The following ZMYND8 variants were observed in gnomAD, a reference collection of about 807,000 sequenced individuals.
ZMYND8 encodes the protein MYND-type zinc finger-containing chromatin reader ZMYND8.
A neutral mutation model predicts 140.8 loss-of-function variants in ZMYND8; 37 were observed. The observed-to-expected ratio is 0.26, with a 90% CI of 0.20 to 0.35. ZMYND8 has a LOEUF of 0.35. Among genes scored for constraint, ZMYND8 ranks in the 10% least tolerant of loss-of-function variants. The probability of loss-of-function intolerance (pLI) is 1.00; values close to 1 mark genes in which losing one functional copy is unlikely to be tolerated. For missense variants in ZMYND8, 1,068 were observed against 1,570.0 expected, an observed-to-expected ratio of 0.68 and a Z score of 5.40; for synonymous variants, 592 against 597.1, an observed-to-expected ratio of 0.99 and a Z score of 0.12.
chr20:47,225,262 G>A (rs1332845065), intron 18 of ZMYND8, among the ~76,000 whole-genome samples: 1 of 152,042 alleles, frequency 6.6e-6, no homozygotes, highest in Non-Finnish European at 1.5e-5. Flanking sequence ...CCTGCTGGCT[G>A]TAATAAAAGA....
intron 2 of ZMYND8, among the ~76,000 whole-genome samples, chr20:47,329,338 T>C (rs2080740161): frequency 6.6e-6 from 1 of 152,190 alleles, no homozygotes; most frequent in Non-Finnish European, 1.5e-5. Context: ...CAGCCTCTAA[T>C]CACCTGTGGC....
chr20:47,224,475 A>C lies in ZMYND8; in HGVS notation c.3098T>G (p.Leu1033Trp). The C allele has an allele frequency of 1.9e-6, 3 of 1,614,138 alleles. No individual in the cohort carries two copies. Among genetic ancestry groups the C allele is most frequent in the Non-Finnish European group, 2.5e-6 (3 of 1,180,022 alleles). Residue 1033 changes from leucine to tryptophan, a missense_variant, in exon 19 of 23, where the codon TTG becomes TGG. By Grantham distance (61) the Leu-to-Trp change is moderately conservative. Coordinates refer to ENST00000471951, the MANE Select transcript of ZMYND8 (RefSeq NM_001281775.3). ...LIAEVKKQLE[L>W]EKQQAVDETK... is the part of the protein sequence containing the mutation. ...CTCATCCACCGCCTGCTGCTTCTCC[A>C]ACTCCAGCTGCTTCTTCACCTCGGC... is the stretch of plus-strand genomic sequence containing the variant.
chr20:47,309,020 C>G (rs867150306), intron 3 of ZMYND8, among the ~76,000 whole-genome samples: 40 of 152,154 alleles, frequency 2.6e-4, no homozygotes, highest in African/African-American at 9.2e-4. Context: ...GAGATCCGAC[C>G]TCATAGTCCA....
intron 12 of ZMYND8, among the ~76,000 whole-genome samples, chr20:47,249,860 T>G (rs2074026922): frequency 6.6e-6 from 1 of 152,124 alleles, no homozygotes; most frequent in Non-Finnish European, 1.5e-5. Flanking sequence ...GAAGAGGACT[T>G]GTATCCAAGA....
intron 1 of ZMYND8, among the ~76,000 whole-genome samples, chr20:47,355,968 G>A (rs1569272317): frequency 2.0e-5 from 3 of 151,988 alleles, no homozygotes; most frequent in Non-Finnish European, 2.9e-5. Flanking sequence ...AAAACAGGCT[G>A]AACAATGTAG....
chr20:47,255,803 C>CGT (rs2074656525), intron 12 of ZMYND8, among the ~76,000 whole-genome samples: 1 of 47,084 alleles, frequency 2.1e-5, no homozygotes, highest in African/African-American at 6.8e-5. Flanking sequence ...ATATATATAC[C>CGT]GTATATATAT....
At chr20:47,289,798 G>A (rs540811964) in intron 7 of ZMYND8, among the ~76,000 whole-genome samples, 1 of 152,244 alleles carries the variant, frequency 6.6e-6, no homozygotes, top group Non-Finnish European at 1.5e-5. Flanking sequence ...AGTGGTTCCT[G>A]TTGAGAGTGG....
At position 47,298,891 on chromosome 20, in the gene ZMYND8, A is replaced by G; in HGVS notation, c.291T>C (p.Pro97=). The G allele has an allele frequency of 6.2e-7, 1 of 1,614,186 alleles. No homozygotes were observed. Among genetic ancestry groups the G allele is most frequent in the Non-Finnish European group, 8.5e-7 (1 of 1,180,040 alleles). ...YYMKQPLTTD[P]VDVVPQDGRN... is the part of the protein sequence containing the mutation. ...GTCCATCCTGCGGTACAACATCAAC[A>G]GGGTCTGTGGTGAGTGGCTGCTTCA... is the stretch of plus-strand genomic sequence containing the variant. The change falls in exon 4 of 23, where the codon CCT becomes CCC. Residue 97 remains proline (P), a synonymous_variant. Coordinates refer to ENST00000471951, the MANE Select transcript of ZMYND8 (RefSeq NM_001281775.3). This position sits in a 1 kb window ranked among gnomAD's most constrained non-coding sequence, Gnocchi z 5.0.
chr20:47,230,283 T>C (rs1416567229), intron 16 of ZMYND8, among the ~76,000 whole-genome samples: 1 of 151,002 alleles, frequency 6.6e-6, no homozygotes, highest in Non-Finnish European at 1.5e-5. Context: ...AGATGTGTGG[T>C]GTTTTTTTTG....
chr20:47,352,465 A>G (rs2082868800), intron 1 of ZMYND8: 2 of 985,400 alleles, frequency 2.0e-6, no homozygotes, highest in Non-Finnish European at 2.4e-6. Flanking sequence ...CCCTTATCCA[A>G]TGCACAGGAT....
intron 22 of ZMYND8, among the ~76,000 whole-genome samples, chr20:47,211,599 T>C (rs889423309): frequency 6.6e-6 from 1 of 152,186 alleles, no homozygotes; most frequent in African/African-American, 2.4e-5. Context: ...ATGAGGTGTC[T>C]GTGAAGAGCA....
At position 47,312,101 on chromosome 20, in the gene ZMYND8, T is replaced by G. The variant is rs183097292; in HGVS notation, c.86-1897A>C. Among the ~76,000 whole-genome samples, 772 of 152,188 alleles carry G rather than the reference T, an allele frequency of 5.1e-3. 16 individuals carry two copies. The highest frequency in any genetic ancestry group is 0.047 in the Admixed American group (712 of 15,274). On this transcript the variant is annotated intron_variant, in intron 2 of 22. Transcript: ENST00000471951. ...AGGGGGGATGGGGTGGGATGGGATG[T>G]GAAATCTGCGAAGATGTCAATTACC...
At chr20:47,219,347 C>G (rs535829866) in intron 21 of ZMYND8, among the ~76,000 whole-genome samples, 1 of 151,828 alleles carries the variant, frequency 6.6e-6, no homozygotes, top group African/African-American at 2.4e-5. Flanking sequence ...TGAGCCACTG[C>G]GCCCGGCCTA....
intron 22 of ZMYND8, 123 bp downstream of exon 22, chr20:47,212,519 C>T: frequency 9.7e-6 from 11 of 1,131,720 alleles, no homozygotes; most frequent in South Asian, 8.9e-5. Flanking sequence ...GGAAGACCCA[C>T]AACTCAAAAG....
At chr20:47,342,033 G>T (rs190521853) in intron 2 of ZMYND8, among the ~76,000 whole-genome samples, 1 of 152,024 alleles carries the variant, frequency 6.6e-6, no homozygotes, top group Admixed American at 6.6e-5. Flanking sequence ...TTAGCCAGGC[G>T]TGGTGGTGTG....
chr20:47,239,049 CG>C lies in ZMYND8; in HGVS notation c.2373del (p.Ala792ArgfsTer28), dbSNP rs772501682. 2 of 1,577,104 alleles carry C rather than the reference CG, an allele frequency of 1.3e-6. No individual in the cohort carries two copies. The highest frequency in any genetic ancestry group is 1.7e-6 in the Non-Finnish European group (2 of 1,159,082). On this transcript the variant is annotated frameshift_variant, in exon 15 of 23. Coordinates refer to ENST00000471951, the MANE Select transcript of ZMYND8 (RefSeq NM_001281775.3). LOFTEE classifies it high-confidence loss of function. ...PVLTRSSAQT[S>X]AAGATATTST... ...CTGGTGGTGGCTGTGGCGCCAGCCG[CG>C]GAAGTTTGGGCGGAAGAGCGGGTGA...
rs373216807 is a variant in ZMYND8, at chr20:47,216,732, A to T, written c.3484+3526T>A. Among the ~76,000 whole-genome samples, 36 of 152,170 alleles carry T rather than the reference A, an allele frequency of 2.4e-4. No homozygotes were observed. In the South Asian group the frequency reaches 7.3e-3, roughly 31 times the overall value. ...TGAGGCAGGAGAATCACTTGAACCCAGGAGGCAGAGGTTGCAGTGAGCCGA... is the reference window on the plus strand; with the variant it reads ...TGAGGCAGGAGAATCACTTGAACCCTGGAGGCAGAGGTTGCAGTGAGCCGA... On this transcript the variant is annotated intron_variant, in intron 21 of 22. Transcript: ENST00000471951.
intron 17 of ZMYND8, among the ~76,000 whole-genome samples, chr20:47,227,551 A>C (rs2037871541): frequency 6.6e-6 from 1 of 152,242 alleles, no homozygotes; most frequent in South Asian, 2.1e-4. Context: ...TTTCATATAA[A>C]TAATATATTA....
chr20:47,314,530 T>G (rs916193098), intron 2 of ZMYND8, among the ~76,000 whole-genome samples: 2 of 152,010 alleles, frequency 1.3e-5, no homozygotes, highest in Admixed American at 1.3e-4. Flanking sequence ...AGAATGCAAA[T>G]TATCAGGCCC....
Sources: allele counts gnomAD v4.1 joint callset (sites outside exome capture counted in the v4.1 genomes callset), GRCh38; gene constraint gnomAD v4.1.1; non-coding constraint Gnocchi (gnomAD v3.1); transcripts MANE v1.5; gene names NCBI Gene and HGNC (gene_info 2026-07-23, HGNC 2026-07-21).